TMEM135: variants seen among roughly 807,000 people sequenced by gnomAD.
TMEM135 encodes peroxisomal membrane protein 52.
Under a neutral mutation model 60.3 loss-of-function variants are expected in TMEM135, and 30 were observed. The ratio of observed to expected loss-of-function variants is 0.50; its 90% CI spans 0.37 to 0.68. The LOEUF (loss-of-function observed/expected upper bound fraction) is 0.68. Among genes scored for constraint, TMEM135 ranks in the 30% least tolerant of loss-of-function variants. TMEM135 has a pLI of 0.00. For missense variants in TMEM135, 468 were observed against 548.8 expected (o/e 0.85, Z 1.47); for synonymous variants, 190 against 186.7 (o/e 1.02, Z -0.14).
chr11:87,080,100 A>G (rs1856957559), intron 3 of TMEM135, among the ~76,000 whole-genome samples: 1 of 150,072 alleles, frequency 6.7e-6, no homozygotes, highest in Admixed American at 6.6e-5. Context: ...TCAGCTTCCC[A>G]ATGTGCTGAG....
chr11:87,267,531 G>A lies in TMEM135; in HGVS notation c.510-28251G>A, dbSNP rs80227282. ...TCACTGGAAAGGTATTTTTGTCCAC[G>A]GAAGTTAATAGTAAGCATCAAATAG... On this transcript the variant is annotated intron_variant, in intron 6 of 14. Transcript: ENST00000305494. Among the ~76,000 whole-genome samples the A allele has an allele frequency of 6.6e-3, 1,004 of 152,196 alleles. 2 individuals are homozygous for A. The highest frequency in any genetic ancestry group is 0.01 in the Non-Finnish European group (713 of 68,008).
At chr11:87,047,385 T>G (rs972818681) in intron 1 of TMEM135, among the ~76,000 whole-genome samples, 1 of 151,710 alleles carries the variant, frequency 6.6e-6, no homozygotes. Flanking sequence ...GGGTGATTTC[T>G]GCATTTCCAT....
intron 5 of TMEM135, among the ~76,000 whole-genome samples, chr11:87,172,063 C>G (rs1387731618): frequency 6.6e-6 from 1 of 152,064 alleles, no homozygotes; most frequent in Non-Finnish European, 1.5e-5. Flanking sequence ...CTTAATTAAG[C>G]CTTTAAAGTT....
chr11:87,319,846 T>C (rs547833677), intron 14 of TMEM135, among the ~76,000 whole-genome samples: 1 of 152,302 alleles, frequency 6.6e-6, no homozygotes, highest in South Asian at 2.1e-4. Context: ...TTGGGAGGCA[T>C]TTTGACCTAA....
chr11:87,286,484 G>C (rs189759786), intron 6 of TMEM135, among the ~76,000 whole-genome samples: 1 of 152,234 alleles, frequency 6.6e-6, no homozygotes, highest in African/African-American at 2.4e-5. Flanking sequence ...CCAGGGCCAC[G>C]GGCGGAGCTG....
intron 4 of TMEM135, among the ~76,000 whole-genome samples, chr11:87,119,857 G>A (rs1857995989): frequency 6.6e-6 from 1 of 151,572 alleles, no homozygotes; most frequent in Non-Finnish European, 1.5e-5. Flanking sequence ...CTTGCTCCAT[G>A]CAGCGTTGCT....
chr11:87,322,044 A>C lies in TMEM135; in HGVS notation c.*711A>C, dbSNP rs1338709859. 2.2e-6 allele frequency: 1 copy of C among 454,362 alleles called. No homozygotes were observed. The highest frequency in any genetic ancestry group is 4.4e-6 in the Non-Finnish European group (1 of 226,762). The allele number at this position is 454,362 out of a possible 1,614,324, so 28.1% of individuals were successfully genotyped here. ...TATGTACTAATGGCAAGTTAGGGGC[A>C]AATGGAAATGGACACATCCGATAAA... On this transcript the variant is annotated 3_prime_UTR_variant, in exon 15 of 15. Coordinates refer to ENST00000305494, the MANE Select transcript of TMEM135 (RefSeq NM_022918.4).
intron 6 of TMEM135, among the ~76,000 whole-genome samples, chr11:87,263,149 G>C (rs1219959677): frequency 2.0e-5 from 3 of 152,146 alleles, no homozygotes; most frequent in African/African-American, 7.2e-5. Flanking sequence ...ATGAAGAGAG[G>C]TGTATGTGGT....
intron 5 of TMEM135, among the ~76,000 whole-genome samples, chr11:87,224,970 T>G (rs992314028): frequency 6.6e-5 from 10 of 152,150 alleles, no homozygotes; most frequent in Non-Finnish European, 1.5e-4. Flanking sequence ...ATTATGCTTC[T>G]TACATTGCTG....
chr11:87,080,118 G>A (rs1335793095), intron 3 of TMEM135, among the ~76,000 whole-genome samples: 1 of 150,386 alleles, frequency 6.6e-6, no homozygotes, highest in Non-Finnish European at 1.5e-5. Context: ...GAGATTACAG[G>A]CATGAGCCAC....
chr11:87,208,963 T>C (rs1479798952), intron 5 of TMEM135, among the ~76,000 whole-genome samples: 1 of 152,126 alleles, frequency 6.6e-6, no homozygotes, highest in African/African-American at 2.4e-5. Flanking sequence ...CCCTCCAATC[T>C]AAGCTTCATA....
At chr11:87,185,545 G>A (rs548742631) in intron 5 of TMEM135, among the ~76,000 whole-genome samples, 22 of 152,010 alleles carry the variant, frequency 1.4e-4, no homozygotes, top group African/African-American at 5.3e-4. Flanking sequence ...ATCATAATTG[G>A]TTTTGTGTAC....
At position 87,054,453 on chromosome 11, in the gene TMEM135, A is replaced by T. The variant is rs188302427; in HGVS notation, c.142-13241A>T. 2.0e-3 allele frequency among the ~76,000 whole-genome samples: 305 copies of T among 152,194 alleles called. 5 individuals are homozygous for T. Among genetic ancestry groups the T allele is most frequent in the African/African-American group, 6.8e-3 (284 of 41,576 alleles). ...GTCTCAAAAAAGAAAAAAAGAAAAA[A>T]AGAAAAATATTTAGTAAAATGGACC... On this transcript the variant is annotated intron_variant, in intron 1 of 14. Coordinates refer to ENST00000305494, the MANE Select transcript of TMEM135 (RefSeq NM_022918.4).
intron 4 of TMEM135, among the ~76,000 whole-genome samples, chr11:87,140,943 G>T (rs1938244208): frequency 6.6e-6 from 1 of 151,878 alleles, no homozygotes; most frequent in African/African-American, 2.4e-5. Context: ...GACATATAGT[G>T]TTGGGTCTAT....
chr11:87,227,182 T>C (rs1940784167), intron 5 of TMEM135, among the ~76,000 whole-genome samples: 1 of 152,096 alleles, frequency 6.6e-6, no homozygotes. Flanking sequence ...TCTTGGTGTA[T>C]ACATAAATTC....
intron 4 of TMEM135, among the ~76,000 whole-genome samples, chr11:87,156,364 A>C (rs1467848123): frequency 1.3e-5 from 2 of 152,038 alleles, no homozygotes; most frequent in African/African-American, 4.8e-5. Flanking sequence ...GTTCTATATG[A>C]ATTTCAGGAT....
At chr11:87,228,908 C>T (rs1035215723) in intron 5 of TMEM135, among the ~76,000 whole-genome samples, 3 of 151,982 alleles carry the variant, frequency 2.0e-5, no homozygotes, top group African/African-American at 7.2e-5. Context: ...GATTTTGTTT[C>T]TTTGCTACTG....
intron 5 of TMEM135, among the ~76,000 whole-genome samples, chr11:87,172,585 C>G (rs542608029): frequency 1.3e-5 from 2 of 151,844 alleles, no homozygotes; most frequent in Non-Finnish European, 2.9e-5. Flanking sequence ...AGTAGGGACT[C>G]TTTGTTAGGG....
chr11:87,298,810 G>A (rs1332412455), intron 7 of TMEM135, among the ~76,000 whole-genome samples: 38 of 78,126 alleles, frequency 4.9e-4, no homozygotes, highest in Admixed American at 2.3e-3. Context: ...AAAAACAGCC[G>A]GGCACAGTGG....
Sources: allele counts gnomAD v4.1 joint callset (sites outside exome capture counted in the v4.1 genomes callset), GRCh38; gene constraint gnomAD v4.1.1; transcripts MANE v1.5; gene names NCBI Gene and HGNC (gene_info 2026-07-23, HGNC 2026-07-21).